The following AHCTF1 variants were observed in gnomAD, a reference collection of about 807,000 sequenced individuals.
AHCTF1 encodes the protein protein ELYS.
In AHCTF1, 24 loss-of-function variants were observed where a neutral mutation model predicts 248.4. That is an observed-to-expected ratio of 0.10 (90% CI 0.07 to 0.14). AHCTF1 has a LOEUF of 0.14. AHCTF1 is among the 10% of genes least tolerant of loss of function. The pLI, the probability that AHCTF1 is intolerant of heterozygous loss-of-function variation, is 1.00. For synonymous variants in AHCTF1, 786 were observed against 929.8 expected, an observed-to-expected ratio of 0.85 and a Z score of 2.81; for missense variants, 2,206 against 2,636.2, an observed-to-expected ratio of 0.84 and a Z score of 3.57.
chr1:246,849,461 A>G (rs184240348), intron 33 of AHCTF1, among the ~76,000 whole-genome samples, 154 bp downstream of exon 33: 15 of 152,378 alleles, frequency 9.8e-5, no homozygotes, highest in Middle Eastern at 6.8e-3. Context: ...ACTTTGAAAC[A>G]TGAAACCTTT....
chr1:246,840,683 T>A lies in AHCTF1; in HGVS notation c.*123A>T. 1.3e-6 allele frequency: 1 copy of A among 757,168 alleles called. No individual in the cohort carries two copies. Among genetic ancestry groups the A allele is most frequent in the South Asian group, 3.5e-5 (1 of 28,908 alleles). The allele number at this position is 757,168 out of a possible 1,614,324, so 46.9% of individuals were successfully genotyped here. ...GGAGTTACTTTACTTATTGAAGACC[T>A]TCTGTTTACATAAAAATTTACAATA... On this transcript the variant is annotated 3_prime_UTR_variant, in exon 36 of 36. Coordinates refer to ENST00000648844, the MANE Select transcript of AHCTF1 (RefSeq NM_001323342.2).
chr1:246,912,253 G>A (rs916743002), intron 4 of AHCTF1, among the ~76,000 whole-genome samples: 1 of 151,846 alleles, frequency 6.6e-6, no homozygotes, highest in Non-Finnish European at 1.5e-5. Context: ...AAGGCGGGCG[G>A]ATCACAAGGT....
chr1:246,868,611 T>TTA (rs1662217638), intron 24 of AHCTF1, among the ~76,000 whole-genome samples: 1 of 132,638 alleles, frequency 7.5e-6, no homozygotes, highest in African/African-American at 2.7e-5. Context: ...TGGTAAGTGG[T>TTA]AAAAAAAAAA....
chr1:246,839,125 CTATA>C lies in AHCTF1; in HGVS notation c.*1677_*1680del, dbSNP rs1400497172. 3 of 152,064 alleles carry C rather than the reference CTATA, an allele frequency of 2.0e-5. No homozygotes were observed. Among genetic ancestry groups the C allele is most frequent in the Admixed American group, 6.6e-5 (1 of 15,254 alleles). 9.4% of individuals were successfully genotyped at this position (152,064 alleles called of 1,614,324 possible). ...TTAATGAGCAGTGTTTTTATTCAAG[CTATA>C]TAAAGACATTTATACGTAAGTACAT... On this transcript the variant is annotated 3_prime_UTR_variant, in exon 36 of 36. Coordinates refer to ENST00000648844, the MANE Select transcript of AHCTF1 (RefSeq NM_001323342.2).
intron 23 of AHCTF1, 123 bp from the exon 24 acceptor site, chr1:246,876,310 AT>A: frequency 1.2e-6 from 1 of 825,046 alleles, no homozygotes; most frequent in Non-Finnish European, 1.7e-6. Flanking sequence ...CTACATATCC[AT>A]TTTTCCAAAC....
In AHCTF1 at chr1:246,909,707, A is replaced by C. The variant is rs144461673; in HGVS notation, c.557-1949T>G. 9.9e-3 allele frequency among the ~76,000 whole-genome samples: 1,507 copies of C among 152,322 alleles called. 16 individuals are homozygous for C. Among genetic ancestry groups the C allele is most frequent in the Non-Finnish European group, 0.015 (1,042 of 68,036 alleles). On this transcript the variant is annotated intron_variant, in intron 4 of 35. Coordinates refer to ENST00000648844, the MANE Select transcript of AHCTF1 (RefSeq NM_001323342.2). ...GTCAAAGTTCTTGATTTAATAAGGA[A>C]AAATCATAATGTGTGCAGGGTTCAG...
rs145149158 is a variant in AHCTF1, at chr1:246,883,539, A to T, written c.2660+1954T>A. ...AAACATGGCTGCCTTTTGCAAAATT[A>T]TCAGTTCAAAAATTTAAGCAGCTTT... On this transcript the variant is annotated intron_variant, in intron 21 of 35. Transcript: ENST00000648844. 7.9e-3 allele frequency among the ~76,000 whole-genome samples: 1,197 copies of T among 152,336 alleles called. 24 individuals are homozygous for T. In the South Asian group the frequency reaches 0.095, roughly 12 times the overall value.
At chr1:246,902,497 A>C (rs1169499208) in intron 8 of AHCTF1, 28 bp downstream of exon 8, 2 of 1,588,080 alleles carry the variant, frequency 1.3e-6, no homozygotes, top group Non-Finnish European at 1.7e-6. Flanking sequence ...CAGCCTTCAC[A>C]TGACATATTT....
Position 246,850,142 on chromosome 1 carries a change from T to C in AHCTF1, c.5864A>G (p.Glu1955Gly). Residue 1955 changes from glutamate to glycine, a missense_variant, in exon 33 of 36, where the codon GAG becomes GGG. By Grantham distance (98) the Glu-to-Gly change is moderately conservative. Coordinates refer to ENST00000648844, the MANE Select transcript of AHCTF1 (RefSeq NM_001323342.2). ...PSDVREDSNLESSQLTVQAEF... is the reference protein window; with the variant it reads ...PSDVREDSNLGSSQLTVQAEF... ...TGCTTGAACAGTCAACTGAGATGAC[T>C]CAAGGTTGGAGTCTTCTCTCACATC... 6.2e-7 allele frequency: 1 copy of C among 1,613,982 alleles called. No individual in the cohort carries two copies. The highest frequency in any genetic ancestry group is 8.5e-7 in the Non-Finnish European group (1 of 1,179,878).
At position 246,840,573 on chromosome 1, in the gene AHCTF1, T is replaced by G. The variant is rs1448903279; in HGVS notation, c.*233A>C. 4 of 250,208 alleles carry G rather than the reference T, an allele frequency of 1.6e-5. No individual in the cohort carries two copies. In the East Asian group the frequency reaches 3.1e-4, roughly 20 times the overall value. 15.5% of individuals were successfully genotyped at this position (250,208 alleles called of 1,614,324 possible). ...GTATACATTTTATTTAACATTCCATTAATAAGCCATATTTACATATATAAA... is the reference window on the plus strand; with the variant it reads ...GTATACATTTTATTTAACATTCCATGAATAAGCCATATTTACATATATAAA... On this transcript the variant is annotated 3_prime_UTR_variant, in exon 36 of 36. Transcript: ENST00000648844.
At chr1:246,889,309 T>C (rs1356335583) in intron 17 of AHCTF1, among the ~76,000 whole-genome samples, 1 of 152,152 alleles carries the variant, frequency 6.6e-6, no homozygotes, top group East Asian at 1.9e-4. Flanking sequence ...TAATTGTGAA[T>C]AGCGGCAGCA....
intron 1 of AHCTF1, among the ~76,000 whole-genome samples, chr1:246,920,003 C>T (rs941740171): frequency 4.0e-5 from 6 of 151,234 alleles, no homozygotes; most frequent in Admixed American, 6.6e-5. Context: ...ATTAGCCGGG[C>T]GTGGAGGCAT....
chr1:246,876,805 TAC>T (rs1163460479), intron 23 of AHCTF1, 143 bp downstream of exon 23: 4 of 996,814 alleles, frequency 4.0e-6, no homozygotes, highest in East Asian at 4.9e-5. Context: ...CCAATTCTGT[TAC>T]AGAGATGAAC....
At chr1:246,848,658 G>T (rs1368461877) in intron 33 of AHCTF1, among the ~76,000 whole-genome samples, 5 of 151,908 alleles carry the variant, frequency 3.3e-5, no homozygotes, top group Admixed American at 3.3e-4. Context: ...TTGAGGTCAG[G>T]AGTTCAAGAT....
intron 16 of AHCTF1, among the ~76,000 whole-genome samples, chr1:246,890,637 T>C (rs553370946): frequency 8.5e-5 from 13 of 152,158 alleles, no homozygotes; most frequent in Non-Finnish European, 1.3e-4. Flanking sequence ...AACTGAGTTA[T>C]AGAAACTATA....
chr1:246,842,901 A>C, intron 34 of AHCTF1, 125 bp from the exon 35 acceptor site: 1 of 748,952 alleles, frequency 1.3e-6, no homozygotes, highest in African/African-American at 1.8e-5. Context: ...TGCAAAATTG[A>C]CTCCTTTTCT....
intron 21 of AHCTF1, among the ~76,000 whole-genome samples, chr1:246,884,613 C>G (rs1343643163): frequency 1.3e-5 from 2 of 152,142 alleles, no homozygotes; most frequent in Non-Finnish European, 2.9e-5. Context: ...AATAACCATA[C>G]CACTGTACTT....
intron 13 of AHCTF1, among the ~76,000 whole-genome samples, chr1:246,895,325 G>A (rs1486706546): frequency 6.6e-6 from 1 of 152,060 alleles, no homozygotes; most frequent in Non-Finnish European, 1.5e-5. Flanking sequence ...ATATTTATGG[G>A]CTACAAAAGC....
Position 246,850,885 on chromosome 1 carries a change from G to A in AHCTF1, c.5121C>T (p.Pro1707=), listed in dbSNP as rs1572361509. 1 of 1,613,926 alleles carries A rather than the reference G, an allele frequency of 6.2e-7. No homozygotes were observed. The highest frequency in any genetic ancestry group is 2.2e-5 in the East Asian group (1 of 44,886). ...IPLVSQNIMC[P]TKLVKSAFKT... ...TAAATGCAGATTTGACCAATTTAGT[G>A]GGACACATTATGTTTTGGCTCACTA... Residue 1707 remains proline, a synonymous_variant, in exon 33 of 36, where the codon CCC becomes CCT. Coordinates refer to ENST00000648844, the MANE Select transcript of AHCTF1 (RefSeq NM_001323342.2).
Sources: allele counts gnomAD v4.1 joint callset (sites outside exome capture counted in the v4.1 genomes callset), GRCh38; gene constraint gnomAD v4.1.1; transcripts MANE v1.5; gene names NCBI Gene and HGNC (gene_info 2026-07-23, HGNC 2026-07-21).